WNT3A: variants seen among roughly 807,000 people sequenced by gnomAD.
WNT3A encodes Wnt family member 3A, also known as protein Wnt-3a.
A neutral mutation model predicts 37.0 loss-of-function variants in WNT3A; 17 were observed. The observed-to-expected ratio is 0.46, with a 90% CI of 0.31 to 0.69. The LOEUF (loss-of-function observed/expected upper bound fraction) is 0.69, where lower values mean the gene tolerates loss of function less well. Among genes scored for constraint, WNT3A ranks in the 30% least tolerant of loss-of-function variants. The probability of loss-of-function intolerance (pLI) is 0.05; values close to 1 mark genes in which losing one functional copy is unlikely to be tolerated. For missense variants in WNT3A, 411 were observed against 510.2 expected (o/e 0.81, Z 1.87); for synonymous variants, 187 against 211.0 (o/e 0.89, Z 0.99).
At chr1:228,040,013 C>G (rs975881379) in intron 2 of WNT3A, among the ~76,000 whole-genome samples, 1 of 152,194 alleles carries the variant, frequency 6.6e-6, no homozygotes, top group Non-Finnish European at 1.5e-5. Context: ...CTCCTCTCGC[C>G]CTGTATCAGC....
chr1:228,050,937 G>C lies in WNT3A; in HGVS notation c.579+16G>C. 6.6e-7 allele frequency: 1 copy of C among 1,518,742 alleles called. No homozygotes were observed. The highest frequency in any genetic ancestry group is 8.8e-7 in the Non-Finnish European group (1 of 1,134,476). The allele number at this position is 1,518,742 out of a possible 1,614,324, so 94.1% of individuals were successfully genotyped here. A position where few individuals can be genotyped will look rare whatever the true frequency, so the allele number is the denominator to read the frequency against. On this transcript the variant is annotated intron_variant, in intron 3 of 3. Coordinates refer to ENST00000284523, the MANE Select transcript of WNT3A (RefSeq NM_033131.4). The surrounding 1 kb of genome is among the most constrained non-coding windows in gnomAD (Gnocchi z 5.0). Reference sequence around the variant, plus strand: ...TGGGCGCCAGGTAGGTTCGCCGCCCGCAAGGGTGCTTGGGAAAAAGGAGCC... The same window carrying C: ...TGGGCGCCAGGTAGGTTCGCCGCCCCCAAGGGTGCTTGGGAAAAAGGAGCC...
intron 2 of WNT3A, among the ~76,000 whole-genome samples, chr1:228,035,580 G>A (rs565031514): frequency 3.3e-5 from 5 of 152,212 alleles, no homozygotes; most frequent in Admixed American, 2.6e-4. Flanking sequence ...GCATCCCTCC[G>A]GGCAGGGCGG....
At chr1:228,015,713 C>A (rs574347389) in intron 1 of WNT3A, among the ~76,000 whole-genome samples, 98 of 151,058 alleles carry the variant, frequency 6.5e-4, no homozygotes, top group Middle Eastern at 3.4e-3. Context: ...GCCTCCCCCC[C>A]ACCCCCGCCG....
chr1:228,044,723 T>C (rs545473269), intron 2 of WNT3A, among the ~76,000 whole-genome samples: 2 of 152,340 alleles, frequency 1.3e-5, no homozygotes, highest in Admixed American at 6.5e-5. Context: ...TTAAGGTTTT[T>C]CCCATTGTGC....
rs1203772450 is a variant in WNT3A, at chr1:228,031,460, G to A, written c.313+8552G>A. On this transcript the variant is annotated intron_variant, in intron 2 of 3. Coordinates refer to ENST00000284523, the MANE Select transcript of WNT3A (RefSeq NM_033131.4). This position sits in a 1 kb window ranked among gnomAD's most constrained non-coding sequence, Gnocchi z 4.8. ...TGCACAGGAGTCAGGTCCCAGGGCC[G>A]TGCAGCTCATCGAGCGTGTCCAAGG... 2.6e-5 allele frequency among the ~76,000 whole-genome samples: 4 copies of A among 152,150 alleles called. No individual in the cohort carries two copies. The highest frequency in any genetic ancestry group is 7.2e-5 in the African/African-American group (3 of 41,432).
At chr1:228,044,403 CT>C (rs1432591936) in intron 2 of WNT3A, among the ~76,000 whole-genome samples, 1 of 152,176 alleles carries the variant, frequency 6.6e-6, no homozygotes, top group Non-Finnish European at 1.5e-5. Context: ...CCAGAACCCC[CT>C]CCTGGGTCCC....
At chr1:228,020,143 G>T (rs1160278532) in intron 1 of WNT3A, among the ~76,000 whole-genome samples, 1 of 152,196 alleles carries the variant, frequency 6.6e-6, no homozygotes, top group Non-Finnish European at 1.5e-5. Flanking sequence ...AGAATCGCTT[G>T]AGCCAAGAGG....
chr1:228,016,625 G>A (rs6672559), intron 1 of WNT3A, among the ~76,000 whole-genome samples: 27,866 of 152,076 alleles, frequency 0.18, 3,313 homozygotes, highest in East Asian at 0.33. Context: ...GCAGGGACTG[G>A]GGTTTCATAC....
At chr1:228,043,064 G>A (rs778539873) in intron 2 of WNT3A, among the ~76,000 whole-genome samples, 3 of 152,156 alleles carry the variant, frequency 2.0e-5, no homozygotes, top group Admixed American at 6.5e-5. Context: ...TGAATGGATA[G>A]ATGGATAGAT....
chr1:228,026,148 A>G (rs79467197), intron 2 of WNT3A, among the ~76,000 whole-genome samples: 2,246 of 145,948 alleles, frequency 0.015, 23 homozygotes, highest in Non-Finnish European at 0.025. Context: ...TTTTTTTTTT[A>G]GTTTTGATCC....
At chr1:228,055,759 G>T (rs1021456972) in intron 3 of WNT3A, among the ~76,000 whole-genome samples, 1 of 152,152 alleles carries the variant, frequency 6.6e-6, no homozygotes. Context: ...AAAACAGGAA[G>T]ATTGGTTGAA....
chr1:228,022,471 GC>G (rs1325034729), intron 1 of WNT3A, among the ~76,000 whole-genome samples, 195 bp from the exon 2 acceptor site: 1 of 152,156 alleles, frequency 6.6e-6, no homozygotes, highest in Non-Finnish European at 1.5e-5. Flanking sequence ...TATTTTAGAG[GC>G]CACAGAGAAT....
At chr1:228,012,008 C>G (rs540612906) in intron 1 of WNT3A, among the ~76,000 whole-genome samples, 1 of 152,394 alleles carries the variant, frequency 6.6e-6, no homozygotes, top group Non-Finnish European at 1.5e-5. Flanking sequence ...AGCTTGGGCC[C>G]TTGAGGCCAG....
chr1:228,056,114 A>T (rs531937505), intron 3 of WNT3A, among the ~76,000 whole-genome samples: 26 of 152,376 alleles, frequency 1.7e-4, no homozygotes, highest in African/African-American at 6.0e-4. Context: ...GAAGGTCCCA[A>T]TAAAGTGATG....
chr1:228,031,815 C>T lies in WNT3A; in HGVS notation c.313+8907C>T, dbSNP rs895288090. ...GTGGCATGGAGGGAGGCATGGGCAA[C>T]ATATACACTGCAAAAGGCCAAGAGC... On this transcript the variant is annotated intron_variant, in intron 2 of 3. Coordinates refer to ENST00000284523, the MANE Select transcript of WNT3A (RefSeq NM_033131.4). This position sits in a 1 kb window ranked among gnomAD's most constrained non-coding sequence, Gnocchi z 4.8. Among the ~76,000 whole-genome samples, 1 of 152,108 alleles carries T rather than the reference C, an allele frequency of 6.6e-6. No individual in the cohort carries two copies. Among genetic ancestry groups the T allele is most frequent in the African/African-American group, 2.4e-5 (1 of 41,402 alleles).
chr1:228,022,794 G>T lies in WNT3A; in HGVS notation c.199G>T (p.Ala67Ser), dbSNP rs2030750240. The change falls in exon 2 of 4, where the codon GCC (alanine) becomes TCC (serine). Residue 67 changes from alanine (A) to serine (S), a missense_variant. By Grantham distance (99) the Ala-to-Ser change is moderately conservative. Transcript: ENST00000284523. Reference protein sequence around the residue: ...RNYVEIMPSVAEGIKIGIQEC... With the variant: ...RNYVEIMPSVSEGIKIGIQEC... ...CTACGTGGAGATCATGCCCAGCGTG[G>T]CCGAGGGCATCAAGATTGGCATCCA... is the stretch of plus-strand genomic sequence containing the variant. The T allele has an allele frequency of 1.2e-6, 2 of 1,614,162 alleles. No homozygotes were observed. The highest frequency in any genetic ancestry group is 2.2e-5 in the South Asian group (2 of 91,084).
intron 2 of WNT3A, among the ~76,000 whole-genome samples, chr1:228,029,917 T>C (rs553354463): frequency 6.6e-6 from 1 of 151,856 alleles, no homozygotes; most frequent in East Asian, 1.9e-4. Context: ...CTGGGAAACA[T>C]AGCAAGACCC....
intron 2 of WNT3A, among the ~76,000 whole-genome samples, chr1:228,032,111 C>T (rs2031024810): frequency 6.6e-6 from 1 of 152,192 alleles, no homozygotes; most frequent in African/African-American, 2.4e-5. Flanking sequence ...CTTGTGGAAG[C>T]AGGGAGGACA....
At chr1:228,058,066 G>T (rs541663105) in intron 3 of WNT3A, among the ~76,000 whole-genome samples, 19 of 152,318 alleles carry the variant, frequency 1.2e-4, no homozygotes, top group African/African-American at 4.6e-4. Context: ...CTCCCAAAGT[G>T]CTGGGATTAC....
Sources: gnomAD v4.1 joint callset for allele counts (sites outside exome capture counted in the v4.1 genomes callset) on GRCh38, gnomAD v4.1.1 for gene constraint, Gnocchi (gnomAD v3.1) non-coding constraint, MANE v1.5 for transcripts, NCBI Gene and HGNC (gene_info 2026-07-23, HGNC 2026-07-21) for gene names.